FRY: variants seen among roughly 807,000 people sequenced by gnomAD.
The protein encoded by FRY is protein furry homolog.
Under a neutral mutation model 348.4 loss-of-function variants are expected in FRY, and 128 were observed. That is an observed-to-expected ratio of 0.37 (90% CI 0.32 to 0.43). FRY has a LOEUF of 0.43. Ranked by LOEUF, FRY falls within the 20% of genes least tolerant of loss-of-function variation. The pLI, the probability that FRY is intolerant of heterozygous loss-of-function variation, is 1.00. For missense variants in FRY, 2,736 were observed against 3,695.2 expected (o/e 0.74, Z 6.73); for synonymous variants, 1,370 against 1,374.7 (o/e 1.00, Z 0.08).
In FRY at chr13:32,265,657, A is replaced by G. The variant is rs775549061; in HGVS notation, c.7946+41A>G. On this transcript the variant is annotated intron_variant, in intron 54 of 60. Coordinates refer to ENST00000542859, the MANE Select transcript of FRY (RefSeq NM_023037.3). ...GCTGATGTGAGTGGTGTGAATGTGC[A>G]TGGTACATTATATGGCATTCACACT... 9 of 1,560,688 alleles carry G rather than the reference A, an allele frequency of 5.8e-6. No individual in the cohort carries two copies. The African/African-American group carries it at 6.8e-5, about 12-fold the overall frequency.
Position 32,124,864 on chromosome 13 carries a change from G to A in FRY, c.705G>A (p.Leu235=), listed in dbSNP as rs201995004. The A allele has an allele frequency of 2.7e-4, 428 of 1,610,344 alleles. No homozygotes were observed. Among genetic ancestry groups the A allele is most frequent in the Non-Finnish European group, 3.4e-4 (403 of 1,176,646 alleles). ...TGTATGCAGAAGTCATTGGAGTGTT[G>A]GCACAAGCCAAGTAAGTGAATGCCA... ...ADLYAEVIGV[L]AQAKFPAVKK... Residue 235 remains leucine, a synonymous_variant, in exon 7 of 61, where the codon TTG becomes TTA. Coordinates refer to ENST00000542859, the MANE Select transcript of FRY (RefSeq NM_023037.3).
chr13:32,066,812 A>C (rs1874285907), intron 1 of FRY, among the ~76,000 whole-genome samples: 1 of 152,214 alleles, frequency 6.6e-6, no homozygotes, highest in Non-Finnish European at 1.5e-5. Context: ...TTGGTTTGCC[A>C]TTTAAGACCT....
chr13:32,234,744 C>T lies in FRY; in HGVS notation c.5698C>T (p.His1900Tyr). 6.2e-7 allele frequency: 1 copy of T among 1,614,020 alleles called. No homozygotes were observed. Among genetic ancestry groups the T allele is most frequent in the Non-Finnish European group, 8.5e-7 (1 of 1,179,912 alleles). Residue 1900 changes from histidine (H) to tyrosine (Y), a missense_variant, in exon 42 of 61, where the codon CAT (histidine) becomes TAT (tyrosine). Around this residue, in one of 9 missense-constraint regions of FRY, gnomAD observed 794 missense variants for 977.0 expected, o/e 0.81. Coordinates refer to ENST00000542859, the MANE Select transcript of FRY (RefSeq NM_023037.3). ...AAGATTGGTGGAGGTGATAGGAGAACATGGAGATGAGATTCAGGTATGGAA... is the reference window on the plus strand; with the variant it reads ...AAGATTGGTGGAGGTGATAGGAGAATATGGAGATGAGATTCAGGTATGGAA... ...LSRLVEVIGE[H>Y]GDEIQGYVME...
intron 55 of FRY, among the ~76,000 whole-genome samples, chr13:32,274,438 T>G (rs1888382332): frequency 1.3e-5 from 2 of 152,156 alleles, no homozygotes; most frequent in South Asian, 4.1e-4. Flanking sequence ...CCAGACGCAG[T>G]GGCTCACACC....
intron 20 of FRY, among the ~76,000 whole-genome samples, chr13:32,177,708 G>A (rs1444318857): frequency 6.6e-6 from 1 of 152,128 alleles, no homozygotes; most frequent in Non-Finnish European, 1.5e-5. Context: ...CTAAATCAAA[G>A]GGAAGATATT....
chr13:32,291,693 G>T (rs141082961), intron 59 of FRY, among the ~76,000 whole-genome samples: 4 of 152,156 alleles, frequency 2.6e-5, no homozygotes, highest in Middle Eastern at 3.4e-3. Context: ...ACCGTGCCCC[G>T]CCAGGATTCA....
intron 28 of FRY, among the ~76,000 whole-genome samples, chr13:32,192,154 A>G (rs987326389): frequency 1.3e-5 from 2 of 152,024 alleles, no homozygotes; most frequent in Non-Finnish European, 2.9e-5. Flanking sequence ...TGTTAAAATG[A>G]CTCATGATAT....
intron 1 of FRY, among the ~76,000 whole-genome samples, chr13:32,055,187 G>T (rs1433454387): frequency 6.6e-6 from 1 of 152,024 alleles, no homozygotes; most frequent in Non-Finnish European, 1.5e-5. Flanking sequence ...TGGGCCCACA[G>T]GTGCATACTA....
At chr13:32,107,426 C>T (rs77783192) in intron 3 of FRY, among the ~76,000 whole-genome samples, 4,625 of 152,218 alleles carry the variant, frequency 0.03, 247 homozygotes, top group African/African-American at 0.11. Flanking sequence ...ATTTTTAAAG[C>T]TCAGTGTTAG....
At position 32,295,310 on chromosome 13, in the gene FRY, C is replaced by T. The variant is rs368620292; in HGVS notation, c.8892C>T (p.Ala2964=). The change falls in exon 61 of 61, where the codon GCC becomes GCT. Residue 2964 remains alanine (A), a synonymous_variant. Coordinates refer to ENST00000542859, the MANE Select transcript of FRY (RefSeq NM_023037.3). ...CTCTGGGACAGACGGGTACTTATGC[C>T]CTGGTGGGGTCTAACCAGAGCCTGA... is the stretch of plus-strand genomic sequence containing the variant. ...HQTLGQTGTY[A]LVGSNQSLTE... 9.3e-6 allele frequency: 15 copies of T among 1,613,520 alleles called. No individual in the cohort carries two copies. The highest frequency in any genetic ancestry group is 1.3e-5 in the Non-Finnish European group (15 of 1,179,770).
intron 58 of FRY, among the ~76,000 whole-genome samples, chr13:32,279,218 C>T (rs998643941): frequency 4.6e-5 from 7 of 152,184 alleles, no homozygotes; most frequent in African/African-American, 7.2e-5. Context: ...GCTGAGAGAT[C>T]ACAGAGCAAG....
intron 1 of FRY, among the ~76,000 whole-genome samples, chr13:32,057,979 A>G (rs1873735172): frequency 6.6e-6 from 1 of 152,176 alleles, no homozygotes; most frequent in South Asian, 2.1e-4. Context: ...TAAATAAATA[A>G]AATTTACCGT....
chr13:32,092,348 C>A (rs543011058), intron 2 of FRY, among the ~76,000 whole-genome samples: 37 of 152,332 alleles, frequency 2.4e-4, no homozygotes, highest in Non-Finnish European at 4.6e-4. Flanking sequence ...TTCTAAGTGA[C>A]TGTGGCCTGT....
chr13:32,090,429 T>G (rs1368916936), intron 2 of FRY, among the ~76,000 whole-genome samples: 2 of 150,938 alleles, frequency 1.3e-5, no homozygotes, highest in Non-Finnish European at 2.9e-5. Flanking sequence ...ATGAAAAGGT[T>G]TAAGCATGTT....
intron 41 of FRY, among the ~76,000 whole-genome samples, chr13:32,232,367 T>G (rs1885964233): frequency 6.6e-6 from 1 of 152,214 alleles, no homozygotes; most frequent in South Asian, 2.1e-4. Flanking sequence ...TCCTTGTACA[T>G]CCCTGCTTTT....
chr13:32,275,381 CTG>C lies in FRY; in HGVS notation c.8286+392_8286+393del, dbSNP rs1265439213. 2.0e-5 allele frequency among the ~76,000 whole-genome samples: 3 copies of C among 152,236 alleles called. No homozygotes were observed. In the East Asian group the frequency reaches 5.8e-4, roughly 29 times the overall value. On this transcript the variant is annotated intron_variant, in intron 56 of 60. Coordinates refer to ENST00000542859, the MANE Select transcript of FRY (RefSeq NM_023037.3). ...CCAGCCTGGGCGACAGAGCGAGACTCTGTCTCAAAAAATAAAAAAATAAAGAT... is the reference window on the plus strand; with the variant it reads ...CCAGCCTGGGCGACAGAGCGAGACTCTCTCAAAAAATAAAAAAATAAAGAT...
At chr13:32,148,021 TA>T in intron 13 of FRY, 74 bp downstream of exon 13, 1 of 862,426 alleles carries the variant, frequency 1.2e-6, no homozygotes, top group Non-Finnish European at 2.0e-6. Context: ...TATGAAGTAC[TA>T]AAAGACGGAA....
intron 1 of FRY, among the ~76,000 whole-genome samples, chr13:32,032,566 T>G (rs1872294840): frequency 6.6e-6 from 1 of 152,228 alleles, no homozygotes. Context: ...GATAGCAGAA[T>G]ATGATGGCTC....
chr13:32,033,879 C>A (rs986657099), intron 1 of FRY, among the ~76,000 whole-genome samples: 1 of 152,210 alleles, frequency 6.6e-6, no homozygotes, highest in Non-Finnish European at 1.5e-5. Flanking sequence ...AACCTGCTTA[C>A]AATCTAGCAT....
Sources: gnomAD v4.1 joint callset for allele counts (sites outside exome capture counted in the v4.1 genomes callset) on GRCh38, gnomAD v4.1.1 for gene constraint, gnomAD v4.1.1 regional missense constraint, MANE v1.5 for transcripts, NCBI Gene and HGNC (gene_info 2026-07-23, HGNC 2026-07-21) for gene names.